Variants in STPG4 observed in about 807,000 individuals in gnomAD.
STPG4 encodes the protein sperm-tail PG-rich repeat containing 4.
STPG4 carries 41 observed loss-of-function variants against 31.5 expected under a neutral mutation model. That is an observed-to-expected ratio of 1.30 (90% CI 1.01 to 1.69). The LOEUF is 1.69. Ranked by LOEUF, STPG4 falls within the 40% of genes most tolerant of loss-of-function variation. The pLI is 0.00. For synonymous variants in STPG4, 141 were observed against 103.0 expected, an observed-to-expected ratio of 1.37 and a Z score of -2.24; for missense variants, 375 against 293.4, an observed-to-expected ratio of 1.28 and a Z score of -2.03.
chr2:47,087,061 T>A lies in STPG4; in HGVS notation c.694A>T (p.Met232Leu). The A allele has an allele frequency of 6.4e-7, 1 of 1,551,772 alleles. No homozygotes were observed. The highest frequency in any genetic ancestry group is 8.7e-7 in the Non-Finnish European group (1 of 1,146,972). The change falls in exon 7 of 7, where the codon ATG becomes TTG. Residue 232 changes from methionine (M) to leucine (L), a missense_variant. Transcript: ENST00000445927. ...AAGAAAAGGCTATGCTCTTGGCCCA[T>A]TTTGGCTATGGTCGGAGACTGCTTA... The part of the protein sequence containing the change: ...FPKQSPTIAK[M>L]GQEHSLFFNN...
chr2:47,152,354 G>A (rs762872676), intron 2 of STPG4, among the ~76,000 whole-genome samples: 1 of 152,208 alleles, frequency 6.6e-6, no homozygotes, highest in South Asian at 2.1e-4. Flanking sequence ...AGAATTGAAC[G>A]TTTAGTCACT....
chr2:47,140,594 A>G (rs990978237), intron 3 of STPG4, among the ~76,000 whole-genome samples: 4 of 152,090 alleles, frequency 2.6e-5, no homozygotes, highest in Non-Finnish European at 5.9e-5. Context: ...CATCTCTCCA[A>G]TTTTGGGGAT....
At chr2:47,143,485 CT>C (rs1200277819) in intron 3 of STPG4, among the ~76,000 whole-genome samples, 2 of 151,028 alleles carry the variant, frequency 1.3e-5, no homozygotes, top group African/African-American at 4.9e-5. Flanking sequence ...ATGCCCTTTG[CT>C]CATTTTTTTT....
At chr2:47,144,150 G>A (rs1386893853) in intron 3 of STPG4, among the ~76,000 whole-genome samples, 1 of 152,132 alleles carries the variant, frequency 6.6e-6, no homozygotes, top group Non-Finnish European at 1.5e-5. Context: ...TAAGTCACTA[G>A]ATCCATGTTT....
In STPG4 at chr2:47,130,544, C is replaced by G. The variant is rs149113966; in HGVS notation, c.400-284G>C. On this transcript the variant is annotated intron_variant, in intron 3 of 6. Coordinates refer to ENST00000445927, the MANE Select transcript of STPG4 (RefSeq NM_001163561.2). ...TCTTTTTATTTTTTTGAGATGGAGT[C>G]TCGCTCTGTCGCCCAGGCTGGAGTG... 9.2e-4 allele frequency among the ~76,000 whole-genome samples: 140 copies of G among 152,266 alleles called. 2 individuals carry two copies. The highest frequency in any genetic ancestry group is 6.8e-3 in the Middle Eastern group (2 of 294).
chr2:47,098,141 AC>A (rs1325093170), intron 5 of STPG4, among the ~76,000 whole-genome samples: 4 of 152,186 alleles, frequency 2.6e-5, no homozygotes, highest in Non-Finnish European at 4.4e-5. Context: ...TCGTTTACAG[AC>A]AGGAGCAGAT....
intron 3 of STPG4, among the ~76,000 whole-genome samples, chr2:47,133,635 T>C (rs1326429229): frequency 7.5e-6 from 1 of 133,178 alleles, no homozygotes; most frequent in African/African-American, 2.9e-5. Context: ...TGGAGTGCAA[T>C]GGCGCAATCT....
intron 3 of STPG4, among the ~76,000 whole-genome samples, chr2:47,132,014 G>A (rs890333320): frequency 6.6e-5 from 10 of 152,008 alleles, no homozygotes; most frequent in Admixed American, 5.9e-4. Context: ...AACATACAAT[G>A]ATTAGCCAGG....
At chr2:47,127,425 C>G (rs1427130566) in intron 5 of STPG4, among the ~76,000 whole-genome samples, 1 of 152,024 alleles carries the variant, frequency 6.6e-6, no homozygotes, top group Non-Finnish European at 1.5e-5. Context: ...TGCACCACCA[C>G]ACTCAGATGC....
intron 3 of STPG4, among the ~76,000 whole-genome samples, chr2:47,143,084 C>T (rs1441629658): frequency 6.6e-6 from 1 of 152,110 alleles, no homozygotes. Flanking sequence ...CCTCGGCCTC[C>T]CAAACTGCTG....
At chr2:47,149,188 G>A (rs1462185238) in intron 3 of STPG4, among the ~76,000 whole-genome samples, 1 of 152,104 alleles carries the variant, frequency 6.6e-6, no homozygotes, top group Non-Finnish European at 1.5e-5. Flanking sequence ...GAGGTGGAGA[G>A]GAAAGAAGAA....
At position 47,133,570 on chromosome 2, in the gene STPG4, CTTTTT is replaced by C. The variant is rs10682288; in HGVS notation, c.400-3315_400-3311del. The stretch of plus-strand genomic sequence containing the variant: ...ATCCATGCTGATTAGGCACTCAAAT[CTTTTT>C]TTTTTTTTTTTTTTTTTTTGAGACT... On this transcript the variant is annotated intron_variant, in intron 3 of 6. Transcript: ENST00000445927. 4.1e-3 allele frequency among the ~76,000 whole-genome samples: 275 copies of C among 67,136 alleles called. 3 individuals are homozygous for C. The highest frequency in any genetic ancestry group is 7.3e-3 in the Admixed American group (27 of 3,700). 44.0% of individuals were successfully genotyped at this position (67,136 alleles called of 152,430 possible).
chr2:47,146,697 C>A (rs184875604), intron 3 of STPG4, among the ~76,000 whole-genome samples: 3 of 152,094 alleles, frequency 2.0e-5, no homozygotes, highest in African/African-American at 4.8e-5. Flanking sequence ...ATGAGATCAC[C>A]ATTCAGAGAA....
At chr2:47,097,859 T>C (rs1685703398) in intron 5 of STPG4, among the ~76,000 whole-genome samples, 1 of 151,776 alleles carries the variant, frequency 6.6e-6, no homozygotes, top group Admixed American at 6.6e-5. Context: ...GGCTCACGCC[T>C]GTAATCCCAG....
intron 5 of STPG4, among the ~76,000 whole-genome samples, chr2:47,119,778 G>A (rs1686230228): frequency 6.6e-6 from 1 of 152,340 alleles, no homozygotes; most frequent in South Asian, 2.1e-4. Flanking sequence ...TATTTGCAGG[G>A]CACCAAGCAA....
intron 3 of STPG4, among the ~76,000 whole-genome samples, chr2:47,140,181 C>A (rs1234164480): frequency 6.6e-6 from 1 of 152,172 alleles, no homozygotes; most frequent in African/African-American, 2.4e-5. Flanking sequence ...GCTACCTCCT[C>A]ACCCTTAGGT....
At chr2:47,153,400 AC>A (rs1686973385) in intron 1 of STPG4, among the ~76,000 whole-genome samples, 1 of 152,182 alleles carries the variant, frequency 6.6e-6, no homozygotes, top group Non-Finnish European at 1.5e-5. Flanking sequence ...GAGTTACCCA[AC>A]CCTCGTGCTT....
At chr2:47,123,816 G>A (rs1195658008) in intron 5 of STPG4, among the ~76,000 whole-genome samples, 1 of 151,832 alleles carries the variant, frequency 6.6e-6, no homozygotes, top group South Asian at 2.1e-4. Context: ...AATGTTTATG[G>A]CCACATAGTA....
intron 3 of STPG4, among the ~76,000 whole-genome samples, chr2:47,148,694 C>G (rs776592393): frequency 6.6e-6 from 1 of 152,130 alleles, no homozygotes; most frequent in Non-Finnish European, 1.5e-5. Flanking sequence ...CCCAACTCCA[C>G]GACAGGCTCC....
Sources: gnomAD v4.1 joint callset for allele counts (sites outside exome capture counted in the v4.1 genomes callset) on GRCh38, gnomAD v4.1.1 for gene constraint, MANE v1.5 for transcripts, NCBI Gene and HGNC (gene_info 2026-07-23, HGNC 2026-07-21) for gene names.